Variants in CHST11 observed in about 807,000 individuals in gnomAD.
CHST11 encodes carbohydrate sulfotransferase 11.
A neutral mutation model predicts 30.4 loss-of-function variants in CHST11; 9 were observed. The observed-to-expected ratio is 0.30, with a 90% CI of 0.18 to 0.52. The LOEUF is 0.52. Ranked by LOEUF, CHST11 falls within the 20% of genes least tolerant of loss-of-function variation. CHST11 has a pLI of 0.97. For synonymous variants in CHST11, 152 were observed against 187.8 expected (o/e 0.81, Z 1.56); for missense variants, 348 against 460.6 (o/e 0.76, Z 2.24).
intron 2 of CHST11, among the ~76,000 whole-genome samples, chr12:104,692,186 C>T (rs2039902230): frequency 6.6e-6 from 1 of 152,198 alleles, no homozygotes; most frequent in South Asian, 2.1e-4. Context: ...CAGTTTCACC[C>T]ACAGAGCGAA....
chr12:104,603,972 T>TA (rs2038980152), intron 2 of CHST11, among the ~76,000 whole-genome samples: 1 of 152,216 alleles, frequency 6.6e-6, no homozygotes, highest in African/African-American at 2.4e-5. Context: ...CTGTTACATG[T>TA]ACCTAGGAAC....
At chr12:104,469,327 G>GT (rs1241201166) in intron 1 of CHST11, among the ~76,000 whole-genome samples, 4 of 152,100 alleles carry the variant, frequency 2.6e-5, no homozygotes, top group Non-Finnish European at 4.4e-5. Context: ...TCAGCCTTGT[G>GT]TTTTTTTGCT....
rs929295271 is a variant in CHST11, at chr12:104,761,490, C to G, written c.*3687C>G. On this transcript the variant is annotated 3_prime_UTR_variant, in exon 3 of 3. Coordinates refer to ENST00000303694, the MANE Select transcript of CHST11 (RefSeq NM_018413.6). Reference sequence around the variant, plus strand: ...ACACACACACACACACACACACACACACACACACACAATCTCAGCTGCGCC... The same window carrying G: ...ACACACACACACACACACACACACAGACACACACACAATCTCAGCTGCGCC... The G allele has an allele frequency of 1.3e-5, 2 of 154,052 alleles. No homozygotes were observed. Among genetic ancestry groups the G allele is most frequent in the Non-Finnish European group, 2.9e-5 (2 of 69,672 alleles). The allele number at this position is 154,052 out of a possible 1,614,324, so 9.5% of individuals were successfully genotyped here.
chr12:104,523,963 G>A (rs575328728), intron 1 of CHST11, among the ~76,000 whole-genome samples: 43 of 151,748 alleles, frequency 2.8e-4, no homozygotes, highest in African/African-American at 9.2e-4. Context: ...TTTCTGGGGT[G>A]AAAGACAGAA....
At chr12:104,707,251 AT>A (rs2040044111) in intron 2 of CHST11, among the ~76,000 whole-genome samples, 1 of 152,326 alleles carries the variant, frequency 6.6e-6, no homozygotes, top group African/African-American at 2.4e-5. Flanking sequence ...CTCAGTGCTC[AT>A]TTGCTAAATG....
intron 2 of CHST11, among the ~76,000 whole-genome samples, chr12:104,628,760 C>T (rs935259219): frequency 1.2e-4 from 18 of 152,350 alleles, no homozygotes; most frequent in African/African-American, 4.1e-4. Context: ...CTCTACTTGG[C>T]TGACTCCTTC....
At chr12:104,709,261 C>T (rs969462244) in intron 2 of CHST11, among the ~76,000 whole-genome samples, 2 of 152,224 alleles carry the variant, frequency 1.3e-5, no homozygotes, top group Admixed American at 6.5e-5. Context: ...GCCCCCACAC[C>T]CAGGGTTCGC....
intron 2 of CHST11, among the ~76,000 whole-genome samples, chr12:104,607,990 C>G (rs1471968375): frequency 6.6e-6 from 1 of 152,136 alleles, no homozygotes; most frequent in Non-Finnish European, 1.5e-5. Context: ...CAGTGTTTAT[C>G]AAGCCTGTGG....
intron 1 of CHST11, among the ~76,000 whole-genome samples, chr12:104,462,674 G>A (rs935331251): frequency 6.6e-6 from 1 of 152,080 alleles, no homozygotes; most frequent in Non-Finnish European, 1.5e-5. Flanking sequence ...TGTCAAGAGG[G>A]TCTCAAATAT....
At chr12:104,498,626 T>G (rs1231397342) in intron 1 of CHST11, among the ~76,000 whole-genome samples, 1 of 152,206 alleles carries the variant, frequency 6.6e-6, no homozygotes, top group Non-Finnish European at 1.5e-5. Flanking sequence ...AAAACGTCCC[T>G]ATAGGACCTT....
chr12:104,679,887 G>C (rs1299844298), intron 2 of CHST11, among the ~76,000 whole-genome samples: 1 of 152,180 alleles, frequency 6.6e-6, no homozygotes, highest in East Asian at 1.9e-4. Flanking sequence ...CTGTCCAGAG[G>C]AAGAGGCCTC....
intron 2 of CHST11, among the ~76,000 whole-genome samples, chr12:104,690,933 G>A (rs1464144377): frequency 3.9e-5 from 6 of 152,260 alleles, no homozygotes; most frequent in African/African-American, 1.4e-4. Flanking sequence ...CTTACTCACT[G>A]TAGTTACTGC....
At chr12:104,586,152 T>A (rs1704890) in intron 1 of CHST11, among the ~76,000 whole-genome samples, 35,068 of 151,954 alleles carry the variant, frequency 0.23, 4,308 homozygotes, top group East Asian at 0.4. Flanking sequence ...CTAGTGGATA[T>A]GAATTTTGGA....
At chr12:104,511,141 A>C (rs1371139113) in intron 1 of CHST11, among the ~76,000 whole-genome samples, 1 of 152,220 alleles carries the variant, frequency 6.6e-6, no homozygotes, top group Non-Finnish European at 1.5e-5. Flanking sequence ...CCTGGGTTGA[A>C]TCAGTCTCCA....
chr12:104,533,750 A>G (rs2038208567), intron 1 of CHST11, among the ~76,000 whole-genome samples: 1 of 152,226 alleles, frequency 6.6e-6, no homozygotes, highest in Non-Finnish European at 1.5e-5. Context: ...GTGGAAACGT[A>G]GGAGCTGGTT....
chr12:104,580,399 G>C (rs2038731272), intron 1 of CHST11, among the ~76,000 whole-genome samples: 2 of 152,208 alleles, frequency 1.3e-5, no homozygotes, highest in Admixed American at 6.5e-5. Context: ...AATTAGATTA[G>C]ATGTTAGGCT....
At chr12:104,747,375 A>G (rs1470825334) in intron 2 of CHST11, among the ~76,000 whole-genome samples, 1 of 152,220 alleles carries the variant, frequency 6.6e-6, no homozygotes, top group African/African-American at 2.4e-5. Flanking sequence ...AGTTGAAAAT[A>G]CTAATGATAC....
At chr12:104,750,523 C>A (rs888378015) in intron 2 of CHST11, among the ~76,000 whole-genome samples, 5 of 139,034 alleles carry the variant, frequency 3.6e-5, no homozygotes, top group Non-Finnish European at 3.0e-5. Flanking sequence ...CTCACTGCAA[C>A]CTCTGCCTCC....
intron 1 of CHST11, among the ~76,000 whole-genome samples, chr12:104,566,161 A>T (rs933350832): frequency 6.6e-6 from 1 of 152,168 alleles, no homozygotes; most frequent in Non-Finnish European, 1.5e-5. Context: ...AGTTAACCTG[A>T]TGACTCTGTG....
Sources: allele counts gnomAD v4.1 joint callset (sites outside exome capture counted in the v4.1 genomes callset), GRCh38; gene constraint gnomAD v4.1.1; transcripts MANE v1.5; gene names NCBI Gene and HGNC (gene_info 2026-07-23, HGNC 2026-07-21).